Variants in NOS1 observed in about 807,000 individuals in gnomAD.
NOS1 encodes NOS type I.
NOS1 carries 51 observed loss-of-function variants against 164.5 expected under a neutral mutation model. The observed-to-expected ratio is 0.31, with a 90% CI of 0.25 to 0.39. The LOEUF is 0.39. Ranked by LOEUF, NOS1 falls within the 10% of genes least tolerant of loss-of-function variation. The pLI is 1.00. For synonymous variants in NOS1, 719 were observed against 745.8 expected (o/e 0.96, Z 0.59); for missense variants, 1,362 against 1,885.6 (o/e 0.72, Z 5.14).
intron 1 of NOS1, among the ~76,000 whole-genome samples, chr12:117,333,707 G>A (rs1396767892): frequency 2.0e-5 from 3 of 152,148 alleles, no homozygotes; most frequent in Admixed American, 6.6e-5. Flanking sequence ...TTCATGCGTC[G>A]CCCGCGTGCT....
At chr12:117,255,515 G>A (rs1348696839) in intron 16 of NOS1, among the ~76,000 whole-genome samples, 1 of 152,200 alleles carries the variant, frequency 6.6e-6, no homozygotes, top group Non-Finnish European at 1.5e-5. Context: ...CTAAATATAT[G>A]TAAGTGTATT....
In NOS1 at chr12:117,212,169, T is replaced by C. The variant is rs1484759744; in HGVS notation, c.*3140A>G. ...CACACTGGAGAAGCAAGACATGTTA[T>C]AAGTTAAGTGAAAAATTAAAATGCA... On this transcript the variant is annotated 3_prime_UTR_variant, in exon 29 of 29. Coordinates refer to ENST00000317775, the MANE Select transcript of NOS1 (RefSeq NM_000620.5). 108 of 985,244 alleles carry C rather than the reference T, an allele frequency of 1.1e-4. No individual in the cohort carries two copies. Among genetic ancestry groups the C allele is most frequent in the Non-Finnish European group, 1.3e-4 (106 of 829,912 alleles). The allele number at this position is 985,244 out of a possible 1,614,324, so 61.0% of individuals were successfully genotyped here.
At chr12:117,305,340 T>C (rs889116693) in intron 3 of NOS1, among the ~76,000 whole-genome samples, 1 of 151,952 alleles carries the variant, frequency 6.6e-6, no homozygotes, top group Non-Finnish European at 1.5e-5. Flanking sequence ...GGTGGGCGCC[T>C]GTAGTCCCAG....
chr12:117,309,383 A>T (rs1339164718), intron 3 of NOS1: 1 of 985,270 alleles, frequency 1.0e-6, no homozygotes, highest in Non-Finnish European at 1.2e-6. Flanking sequence ...AGTTACCACC[A>T]AGGCTCTAGA....
At chr12:117,276,897 A>G (rs1873229965) in intron 9 of NOS1, among the ~76,000 whole-genome samples, 1 of 152,084 alleles carries the variant, frequency 6.6e-6, no homozygotes, top group Non-Finnish European at 1.5e-5. Context: ...TGGACACTTA[A>G]GTTGCTTCCT....
intron 22 of NOS1, among the ~76,000 whole-genome samples, chr12:117,229,692 G>A (rs1264388936): frequency 1.3e-5 from 2 of 151,974 alleles, no homozygotes; most frequent in African/African-American, 4.8e-5. Flanking sequence ...GGGTTCAAGC[G>A]ATTCTCCTAC....
At chr12:117,241,102 G>A (rs1261337468) in intron 20 of NOS1, among the ~76,000 whole-genome samples, 3 of 151,892 alleles carry the variant, frequency 2.0e-5, no homozygotes, top group Admixed American at 6.6e-5. Flanking sequence ...ACCACGCCTG[G>A]CTAATTTTTG....
At chr12:117,308,342 A>C (rs1169058301) in intron 3 of NOS1, among the ~76,000 whole-genome samples, 1 of 152,124 alleles carries the variant, frequency 6.6e-6, no homozygotes, top group Non-Finnish European at 1.5e-5. Flanking sequence ...TCCCGTTTCT[A>C]CAAAAAAATA....
In NOS1 at chr12:117,356,422, T is replaced by G. The variant is rs112406849; in HGVS notation, c.-421+5090A>C. Among the ~76,000 whole-genome samples, 3,649 of 152,256 alleles carry G rather than the reference T, an allele frequency of 0.024. 142 individuals carry two copies. The highest frequency in any genetic ancestry group is 0.081 in the African/African-American group (3,375 of 41,542). On this transcript the variant is annotated intron_variant, in intron 1 of 28. Transcript: ENST00000317775. The surrounding 1 kb of genome is among the most constrained non-coding windows in gnomAD (Gnocchi z 4.2). Reference sequence around the variant, plus strand: ...CCTCCTCTGAGAAGTCCTCCCTGATTCCTTCAACCACCTGTCCTGGGTCCT... The same window carrying G: ...CCTCCTCTGAGAAGTCCTCCCTGATGCCTTCAACCACCTGTCCTGGGTCCT...
intron 1 of NOS1, among the ~76,000 whole-genome samples, chr12:117,334,463 C>T (rs1875706301): frequency 6.6e-6 from 1 of 152,122 alleles, no homozygotes; most frequent in Non-Finnish European, 1.5e-5. Flanking sequence ...GTGGTGCGAT[C>T]TCAGCTCACT....
At chr12:117,333,706 C>T (rs3782218) in intron 1 of NOS1, among the ~76,000 whole-genome samples, 28,970 of 152,146 alleles carry the variant, frequency 0.19, 3,051 homozygotes, top group African/African-American at 0.27. Flanking sequence ...ATTCATGCGT[C>T]GCCCGCGTGC....
chr12:117,264,813 G>T (rs113864063), intron 12 of NOS1, among the ~76,000 whole-genome samples: 3,762 of 151,524 alleles, frequency 0.025, 148 homozygotes, highest in African/African-American at 0.085. Context: ...TCCACCTCCT[G>T]GGTTCAAGCG....
rs1424014572 is a variant in NOS1, at chr12:117,330,711, A to C, written c.359T>G (p.Ile120Ser). ...GGGACCCAGGGGCTGTGTCACCCGG[A>C]TGGTCTTGGGGGTCCCATCACCTGT... ...TFTGDGTPKT[I>S]RVTQPLGPPT... is the part of the protein sequence containing the mutation. Residue 120 changes from isoleucine to serine, a missense_variant, in exon 2 of 29, where the codon ATC becomes AGC. By Grantham distance (142) the Ile-to-Ser change is moderately radical (BLOSUM62 -2). Transcript: ENST00000317775. This position sits in a 1 kb window ranked among gnomAD's most constrained non-coding sequence, Gnocchi z 4.6. 6.2e-7 allele frequency: 1 copy of C among 1,613,712 alleles called. No individual in the cohort carries two copies. Among genetic ancestry groups the C allele is most frequent in the South Asian group, 1.1e-5 (1 of 91,070 alleles).
In NOS1 at chr12:117,258,420, G is replaced by C; in HGVS notation, c.2508C>G (p.Pro836=). ...ACTTCCTTTCTTCCTGCACAGAGTTGGGGTGCCTCATTTCCATCAAAGCAC... is the reference window on the plus strand; with the variant it reads ...ACTTCCTTTCTTCCTGCACAGAGTTCGGGTGCCTCATTTCCATCAAAGCAC... ...FGCALMEMRH[P]NSVQEERKSY... Residue 836 remains proline (P), a synonymous_variant, in exon 16 of 29, where the codon CCC becomes CCG. Coordinates refer to ENST00000317775, the MANE Select transcript of NOS1 (RefSeq NM_000620.5). 1.9e-6 allele frequency: 3 copies of C among 1,614,140 alleles called. No homozygotes were observed. The highest frequency in any genetic ancestry group is 2.5e-6 in the Non-Finnish European group (3 of 1,180,006).
At chr12:117,353,099 G>A (rs1876701841) in intron 1 of NOS1, among the ~76,000 whole-genome samples, 1 of 150,666 alleles carries the variant, frequency 6.6e-6, no homozygotes. Flanking sequence ...TACCTACCTA[G>A]CTATCTATCC....
intron 1 of NOS1, among the ~76,000 whole-genome samples, chr12:117,338,743 C>G (rs560164034): frequency 6.6e-6 from 1 of 152,138 alleles, no homozygotes. Context: ...CAAGTCAGTT[C>G]TGTATATGTA....
Position 117,210,515 on chromosome 12 carries a change from G to A in NOS1, c.*4794C>T. On this transcript the variant is annotated 3_prime_UTR_variant, in exon 29 of 29. Coordinates refer to ENST00000317775, the MANE Select transcript of NOS1 (RefSeq NM_000620.5). ...GGAAATATACAAGGAAACATGGCTG[G>A]TTTAAAACACAGGCTAGAAGTCCAC... 1.0e-6 allele frequency: 1 copy of A among 985,430 alleles called. No homozygotes were observed. The highest frequency in any genetic ancestry group is 1.7e-5 in the African/African-American group (1 of 57,338). The allele number at this position is 985,430 out of a possible 1,614,324, so 61.0% of individuals were successfully genotyped here.
intron 2 of NOS1, among the ~76,000 whole-genome samples, chr12:117,313,969 G>A (rs1411803473): frequency 6.6e-6 from 1 of 152,064 alleles, no homozygotes; most frequent in Non-Finnish European, 1.5e-5. Flanking sequence ...CCTAGCTTAG[G>A]GGACTCCCCC....
At chr12:117,321,787 T>C (rs2136065032) in intron 2 of NOS1, among the ~76,000 whole-genome samples, 1 of 152,202 alleles carries the variant, frequency 6.6e-6, no homozygotes, top group Middle Eastern at 3.4e-3. Flanking sequence ...AATACTGCCA[T>C]TGGTCATGCT....
Sources: allele counts gnomAD v4.1 joint callset (sites outside exome capture counted in the v4.1 genomes callset), GRCh38; gene constraint gnomAD v4.1.1; non-coding constraint Gnocchi (gnomAD v3.1); transcripts MANE v1.5; gene names NCBI Gene and HGNC (gene_info 2026-07-23, HGNC 2026-07-21).